SIPA1L2: variants seen among roughly 807,000 people sequenced by gnomAD.
The protein encoded by SIPA1L2 is signal-induced proliferation-associated 1-like protein 2.
In SIPA1L2, 56 loss-of-function variants were observed where a neutral mutation model predicts 163.9. That is an observed-to-expected ratio of 0.34 (90% CI 0.28 to 0.43). SIPA1L2 has a LOEUF of 0.43. Ranked by LOEUF, SIPA1L2 falls within the 20% of genes least tolerant of loss-of-function variation. The pLI is 1.00. For missense variants in SIPA1L2, 1,974 were observed against 2,193.5 expected, an observed-to-expected ratio of 0.90 and a Z score of 2.00; for synonymous variants, 877 against 865.7, an observed-to-expected ratio of 1.01 and a Z score of -0.23.
intron 1 of SIPA1L2, among the ~76,000 whole-genome samples, chr1:232,574,995 C>T (rs151331987): frequency 1.3e-5 from 2 of 152,292 alleles, no homozygotes; most frequent in African/African-American, 2.4e-5. Context: ...AATCAGCAAG[C>T]GCAGGATGTG....
rs1409840799 is a variant in SIPA1L2, at chr1:232,546,781, A to G, written c.-270+27393T>C. Among the ~76,000 whole-genome samples the G allele has an allele frequency of 1.1e-4, 17 of 152,236 alleles. No homozygotes were observed. The South Asian group carries it at 2.1e-3, about 19-fold the overall frequency. ...TGCATTAAGACATGTTGACAGCGATATAGTGAAAGAGATAACCGCACAGCA... is the reference window on the plus strand; with the variant it reads ...TGCATTAAGACATGTTGACAGCGATGTAGTGAAAGAGATAACCGCACAGCA... On this transcript the variant is annotated intron_variant, in intron 2 of 22. Coordinates refer to ENST00000674635, the MANE Select transcript of SIPA1L2 (RefSeq NM_020808.5).
At chr1:232,466,857 T>C (rs866232837) in intron 8 of SIPA1L2, among the ~76,000 whole-genome samples, 1 of 152,260 alleles carries the variant, frequency 6.6e-6, no homozygotes. Context: ...AGTGAATGAA[T>C]GGATTCTGTA....
intron 18 of SIPA1L2, among the ~76,000 whole-genome samples, chr1:232,419,568 G>C (rs1180453499): frequency 6.6e-6 from 1 of 152,092 alleles, no homozygotes; most frequent in African/African-American, 2.4e-5. Context: ...GTGAGATCTG[G>C]TTGAGTGTGG....
chr1:232,415,647 G>C (rs1345843543), intron 18 of SIPA1L2, 22 bp from the exon 19 acceptor site: 25 of 1,613,436 alleles, frequency 1.5e-5, no homozygotes, highest in Non-Finnish European at 2.0e-5. Flanking sequence ...CAAAACCAGA[G>C]AGTCAGTCAT....
intron 15 of SIPA1L2, among the ~76,000 whole-genome samples, chr1:232,435,016 T>C (rs1340717012): frequency 6.6e-6 from 1 of 152,188 alleles, no homozygotes; most frequent in African/African-American, 2.4e-5. Context: ...ATGGCCTTAG[T>C]TTCCCCATCA....
At chr1:232,527,366 C>T (rs1294362013) in intron 2 of SIPA1L2, among the ~76,000 whole-genome samples, 1 of 152,120 alleles carries the variant, frequency 6.6e-6, no homozygotes, top group Non-Finnish European at 1.5e-5. Context: ...GATCAATCCT[C>T]AAGAAATGTT....
At chr1:232,490,789 CAAGA>C (rs146694284) in intron 5 of SIPA1L2, 81 bp downstream of exon 5, 33,690 of 1,365,768 alleles carry the variant, frequency 0.025, 615 homozygotes, top group Admixed American at 0.076. Context: ...AATGATCTTA[CAAGA>C]AAGATGGATG....
chr1:232,399,166 G>C lies in SIPA1L2; in HGVS notation c.5130C>G (p.Phe1710Leu), dbSNP rs750877084. 6.2e-7 allele frequency: 1 copy of C among 1,614,090 alleles called. No individual in the cohort carries two copies. Among genetic ancestry groups the C allele is most frequent in the Non-Finnish European group, 8.5e-7 (1 of 1,180,028 alleles). Residue 1710 changes from phenylalanine to leucine, a missense_variant, in exon 23 of 23, where the codon TTC becomes TTG. Phe to Leu is a conservative substitution (Grantham distance 22, BLOSUM62 0). Coordinates refer to ENST00000674635, the MANE Select transcript of SIPA1L2 (RefSeq NM_020808.5). ...CGATGGTGGTGAAAAACCATTCTGTGAATTTCCGCAGCTGAGCTGTCGCGG... is the reference window on the plus strand; with the variant it reads ...CGATGGTGGTGAAAAACCATTCTGTCAATTTCCGCAGCTGAGCTGTCGCGG... ...SQTATAQLRK[F>L]TEWFFTTIDK...
In SIPA1L2 at chr1:232,398,531, C is replaced by T. The variant is rs1042208581; in HGVS notation, c.*596G>A. ...AAATAAGTCTCTAAGGTAACTGCAT[C>T]TGAACTAGTGTTAAACACAACAGTG... is the stretch of plus-strand genomic sequence containing the variant. On this transcript the variant is annotated 3_prime_UTR_variant, in exon 23 of 23. Transcript: ENST00000674635. The T allele has an allele frequency of 6.6e-6, 1 of 151,004 alleles. No homozygotes were observed. Among genetic ancestry groups the T allele is most frequent in the African/African-American group, 2.4e-5 (1 of 41,034 alleles). 9.4% of individuals were successfully genotyped at this position (151,004 alleles called of 1,614,324 possible).
intron 1 of SIPA1L2, among the ~76,000 whole-genome samples, chr1:232,611,043 C>G (rs906132498): frequency 6.6e-6 from 1 of 152,102 alleles, no homozygotes; most frequent in Admixed American, 6.6e-5. Context: ...TAGTTTGAAT[C>G]ATGGGGCGGC....
rs188040869 is a variant in SIPA1L2, at chr1:232,556,674, T to C, written c.-270+17500A>G. On this transcript the variant is annotated intron_variant, in intron 2 of 22. Transcript: ENST00000674635. ...TGTTATCAATCACACTTGAGAATCT[T>C]TGAACTTTGCTTTGTAAAACTAGGG... Among the ~76,000 whole-genome samples, 742 of 152,146 alleles carry C rather than the reference T, an allele frequency of 4.9e-3. 7 individuals carry two copies. The highest frequency in any genetic ancestry group is 0.016 in the South Asian group (78 of 4,816).
intron 17 of SIPA1L2, 147 bp downstream of exon 17, chr1:232,428,264 G>A (rs561361579): frequency 8.1e-6 from 5 of 619,698 alleles, no homozygotes; most frequent in Admixed American, 4.3e-5. Flanking sequence ...AATTGGCAAC[G>A]GTCAACTATG....
At chr1:232,424,433 G>A (rs889175631) in intron 18 of SIPA1L2, among the ~76,000 whole-genome samples, 8 of 147,960 alleles carry the variant, frequency 5.4e-5, no homozygotes, top group South Asian at 4.3e-4. Flanking sequence ...GAGTTCACAA[G>A]CACACTTCAA....
At chr1:232,459,598 G>A (rs2102914240) in intron 10 of SIPA1L2, among the ~76,000 whole-genome samples, 1 of 152,016 alleles carries the variant, frequency 6.6e-6, no homozygotes, top group East Asian at 1.9e-4. Flanking sequence ...GTGCAGCCTC[G>A]ACCTCCCAGG....
At chr1:232,579,021 T>C (rs1241282162) in intron 1 of SIPA1L2, among the ~76,000 whole-genome samples, 1 of 152,116 alleles carries the variant, frequency 6.6e-6, no homozygotes, top group Non-Finnish European at 1.5e-5. Flanking sequence ...GGGGGAAAGG[T>C]TCTCCCCTGT....
At chr1:232,553,626 G>C (rs1348818271) in intron 2 of SIPA1L2, among the ~76,000 whole-genome samples, 2 of 152,148 alleles carry the variant, frequency 1.3e-5, no homozygotes, top group African/African-American at 4.8e-5. Context: ...ACAGGATTTA[G>C]ATAGAGGAGT....
rs200619264 is a variant in SIPA1L2 at position 232,490,913 on chromosome 1, G to A, written c.1767C>T (p.Pro589=). ...GCTTGAGCAGCTGCTCTGAGACCTT[G>A]GGTGAGTTGGAAGCCTGTCGCAAAC... ...IQCLRQASNS[P]KVSEQLLKLD... is the part of the protein sequence containing the mutation. Residue 589 remains proline, a synonymous_variant, in exon 5 of 23, where the codon CCC becomes CCT. Coordinates refer to ENST00000674635, the MANE Select transcript of SIPA1L2 (RefSeq NM_020808.5). 19 of 1,613,926 alleles carry A rather than the reference G, an allele frequency of 1.2e-5. No homozygotes were observed. Among genetic ancestry groups the A allele is most frequent in the Non-Finnish European group, 1.6e-5 (19 of 1,180,000 alleles).
chr1:232,443,783 T>A, intron 11 of SIPA1L2, 98 bp from the exon 12 acceptor site: 1 of 915,694 alleles, frequency 1.1e-6, no homozygotes, highest in Middle Eastern at 2.3e-4. Flanking sequence ...ACTTTGAGAA[T>A]GACAAAGAAA....
chr1:232,470,681 G>A (rs1664754991), intron 8 of SIPA1L2, among the ~76,000 whole-genome samples: 1 of 152,186 alleles, frequency 6.6e-6, no homozygotes, highest in Non-Finnish European at 1.5e-5. Context: ...ACAACATACT[G>A]AAGTAGGTAC....
Sources: gnomAD v4.1 joint callset for allele counts (sites outside exome capture counted in the v4.1 genomes callset) on GRCh38, gnomAD v4.1.1 for gene constraint, MANE v1.5 for transcripts, NCBI Gene and HGNC (gene_info 2026-07-23, HGNC 2026-07-21) for gene names.